The following DLGAP2 variants were observed in gnomAD, a reference collection of about 807,000 sequenced individuals.
DLGAP2 encodes the protein DLG associated protein 2.
Under a neutral mutation model 100.3 loss-of-function variants are expected in DLGAP2, and 26 were observed. That is an observed-to-expected ratio of 0.26 (90% CI 0.19 to 0.36). The LOEUF (loss-of-function observed/expected upper bound fraction) is 0.36, where lower values mean the gene tolerates loss of function less well. DLGAP2 is among the 10% of genes least tolerant of loss of function. The probability of loss-of-function intolerance (pLI) is 1.00; values close to 1 mark genes in which losing one functional copy is unlikely to be tolerated. For missense variants in DLGAP2, 1,858 were observed against 1,453.2 expected (o/e 1.28, Z -4.53); for synonymous variants, 886 against 630.1 (o/e 1.41, Z -6.08).
intron 8 of DLGAP2, among the ~76,000 whole-genome samples, chr8:1,645,641 G>A (rs907689852): frequency 6.6e-6 from 1 of 152,122 alleles, no homozygotes; most frequent in Non-Finnish European, 1.5e-5. Flanking sequence ...ATTTGTGTTG[G>A]TTGATTATCC....
intron 3 of DLGAP2, among the ~76,000 whole-genome samples, chr8:1,365,640 C>T (rs1802091875): frequency 6.6e-6 from 1 of 152,182 alleles, no homozygotes; most frequent in South Asian, 2.1e-4. Flanking sequence ...GACCTGTCTC[C>T]AAAACCAAGC....
At chr8:1,060,492 C>A (rs66739903) in intron 2 of DLGAP2, among the ~76,000 whole-genome samples, 56,904 of 149,220 alleles carry the variant, frequency 0.38, 11,082 homozygotes, top group East Asian at 0.48. Flanking sequence ...TCACACGGCC[C>A]CCTCTCTCTG....
chr8:1,136,551 G>A (rs536210737), intron 2 of DLGAP2, among the ~76,000 whole-genome samples: 4 of 152,220 alleles, frequency 2.6e-5, no homozygotes, highest in Non-Finnish European at 5.9e-5. Flanking sequence ...CACCAAGTAC[G>A]GTGCCTGGTG....
intron 4 of DLGAP2, among the ~76,000 whole-genome samples, chr8:1,544,480 T>C (rs188391785): frequency 1.3e-4 from 20 of 152,312 alleles, no homozygotes; most frequent in Admixed American, 1.0e-3. Context: ...ATTATCATGT[T>C]GGGGAAGTTC....
intron 3 of DLGAP2, among the ~76,000 whole-genome samples, chr8:1,279,329 T>C (rs935666840): frequency 6.6e-5 from 10 of 152,230 alleles, no homozygotes; most frequent in Admixed American, 2.6e-4. Flanking sequence ...TATAATTGCC[T>C]GCCATGAATG....
At chr8:1,302,808 G>T (rs1217849243) in intron 3 of DLGAP2, among the ~76,000 whole-genome samples, 4 of 152,242 alleles carry the variant, frequency 2.6e-5, no homozygotes, top group Admixed American at 2.6e-4. Flanking sequence ...TCTTCCCCTC[G>T]CCCCAGGAGG....
rs1563164967 is a variant in DLGAP2 at position 1,464,363 on chromosome 8, C to T, written c.107-37003C>T. Among the ~76,000 whole-genome samples, 599 of 91,346 alleles carry T rather than the reference C, an allele frequency of 6.6e-3. 42 individuals are homozygous for T. The highest frequency in any genetic ancestry group is 0.012 in the East Asian group (22 of 1,842). 59.9% of individuals were successfully genotyped at this position (91,346 alleles called of 152,430 possible). On this transcript the variant is annotated intron_variant, in intron 3 of 14. Transcript: ENST00000637795. ...CTTCCAGGACGGCACCCTTCCAGGA[C>T]AACGCCCTTCCAGGATGGCACCCTT...
rs536694077 is a variant in DLGAP2, at chr8:1,658,660, G to A, written c.1811-9669G>A. Among the ~76,000 whole-genome samples the A allele has an allele frequency of 1.6e-4, 24 of 152,154 alleles. 1 individual carries two copies. Among genetic ancestry groups the A allele is most frequent in the Admixed American group, 1.4e-3 (21 of 15,274 alleles). On this transcript the variant is annotated intron_variant, in intron 8 of 14. Transcript: ENST00000637795. ...GTGTTTATAGTATTCTCTGATGGTA[G>A]TTTGTATTTCTGTGGGATCAGTGGT...
At chr8:1,552,676 G>A (rs574607613) in intron 5 of DLGAP2, among the ~76,000 whole-genome samples, 52 of 152,216 alleles carry the variant, frequency 3.4e-4, no homozygotes, top group East Asian at 1.4e-3. Context: ...CCTAGTGTAC[G>A]GATAAGATTT....
In DLGAP2 at chr8:1,046,118, G is replaced by C. The variant is rs751692340; in HGVS notation, c.73+138152G>C. Among the ~76,000 whole-genome samples, 78 of 152,212 alleles carry C rather than the reference G, an allele frequency of 5.1e-4. 1 individual carries two copies. The highest frequency in any genetic ancestry group is 4.4e-4 in the Non-Finnish European group (30 of 68,038). On this transcript the variant is annotated intron_variant, in intron 2 of 14. Coordinates refer to ENST00000637795, the MANE Select transcript of DLGAP2 (RefSeq NM_001346810.2). ...AAGCTGCCCAGTTACCAGTAAATTA[G>C]TGGTAAATAGAATAAAGTCAGGCAG... is the stretch of plus-strand genomic sequence containing the variant.
chr8:952,788 T>C (rs187432923), intron 2 of DLGAP2, among the ~76,000 whole-genome samples: 10 of 152,362 alleles, frequency 6.6e-5, no homozygotes, highest in Non-Finnish European at 1.3e-4. Context: ...ACTTCTCTAA[T>C]TTCTGGTATA....
chr8:1,414,596 G>A (rs549078750), intron 3 of DLGAP2, among the ~76,000 whole-genome samples: 159 of 152,338 alleles, frequency 1.0e-3, no homozygotes, highest in African/African-American at 3.6e-3. Context: ...ACACGGCTGG[G>A]AGGGACTGAG....
intron 2 of DLGAP2, among the ~76,000 whole-genome samples, chr8:965,617 C>CCGCGT (rs1445296220): frequency 5.0e-5 from 7 of 139,508 alleles, no homozygotes; most frequent in African/African-American, 1.4e-4. Context: ...AGTCTGGCCC[C>CCGCGT]GCACTGCACA....
At chr8:1,345,129 C>T (rs1308726047) in intron 3 of DLGAP2, among the ~76,000 whole-genome samples, 2 of 120,726 alleles carry the variant, frequency 1.7e-5, no homozygotes, top group Non-Finnish European at 3.7e-5. Flanking sequence ...TGACATAATT[C>T]GGTTTTGGTA....
chr8:1,045,327 C>A (rs975802978), intron 2 of DLGAP2, among the ~76,000 whole-genome samples: 1 of 152,160 alleles, frequency 6.6e-6, no homozygotes, highest in Non-Finnish European at 1.5e-5. Flanking sequence ...CAGTGCCCAG[C>A]GTATACTCAA....
At chr8:1,637,038 A>G (rs1042418137) in intron 8 of DLGAP2, among the ~76,000 whole-genome samples, 8 of 152,194 alleles carry the variant, frequency 5.3e-5, no homozygotes, top group African/African-American at 1.9e-4. Flanking sequence ...TGCACCCCAG[A>G]GGAGGAATAC....
intron 3 of DLGAP2, among the ~76,000 whole-genome samples, chr8:1,317,172 A>AGAGCGT (rs1396762562): frequency 7.8e-6 from 1 of 127,426 alleles, no homozygotes; most frequent in Admixed American, 8.5e-5. Context: ...CTTTAAAAAT[A>AGAGCGT]GAGCGTGTGT....
At chr8:1,607,086 A>T (rs1796825804) in intron 6 of DLGAP2, among the ~76,000 whole-genome samples, 1 of 152,202 alleles carries the variant, frequency 6.6e-6, no homozygotes, top group South Asian at 2.1e-4. Context: ...TGACCTTTTG[A>T]GGAACTCCCA....
At chr8:1,486,297 G>C (rs1387721609) in intron 3 of DLGAP2, among the ~76,000 whole-genome samples, 1 of 152,198 alleles carries the variant, frequency 6.6e-6, no homozygotes, top group African/African-American at 2.4e-5. Context: ...CAGTCTGCGT[G>C]TTCAAAGAGC....
Sources: allele counts gnomAD v4.1 joint callset (sites outside exome capture counted in the v4.1 genomes callset), GRCh38; gene constraint gnomAD v4.1.1; transcripts MANE v1.5; gene names NCBI Gene and HGNC (gene_info 2026-07-23, HGNC 2026-07-21).